The following MYBPC1 variants were observed in gnomAD, a reference collection of about 807,000 sequenced individuals.
MYBPC1 encodes the protein myosin-binding protein C, slow-type.
Under a neutral mutation model 147.1 loss-of-function variants are expected in MYBPC1, and 52 were observed. That is an observed-to-expected ratio of 0.35 (90% CI 0.28 to 0.45). The LOEUF is 0.45. Ranked by LOEUF, MYBPC1 falls within the 20% of genes least tolerant of loss-of-function variation. MYBPC1 has a pLI of 1.00. For missense variants in MYBPC1, 1,228 were observed against 1,440.3 expected, an observed-to-expected ratio of 0.85 and a Z score of 2.39; for synonymous variants, 477 against 475.9, an observed-to-expected ratio of 1.00 and a Z score of -0.03.
chr12:101,661,282 T>C lies in MYBPC1; in HGVS notation c.2032+20T>C, dbSNP rs780001720. 2.5e-5 allele frequency: 37 copies of C among 1,478,746 alleles called. No individual in the cohort carries two copies. The Admixed American group carries it at 4.9e-4, about 19-fold the overall frequency. The allele number at this position is 1,478,746 out of a possible 1,614,324, so 91.6% of individuals were successfully genotyped here. ...TCCTAGGTAACTGCATGTTGGTTAG[T>C]CTGTGTAACTGCCAGTACAGTTGTG... On this transcript the variant is annotated intron_variant, in intron 20 of 31. Transcript: ENST00000361466.
intron 18 of MYBPC1, 93 bp downstream of exon 18, chr12:101,653,341 G>T: frequency 1.3e-6 from 2 of 1,501,192 alleles, no homozygotes; most frequent in East Asian, 2.3e-5. Flanking sequence ...TCAGATGAAG[G>T]TAGAAAACAA....
Position 101,645,760 on chromosome 12 carries a change from C to T in MYBPC1, c.965+964C>T, listed in dbSNP as rs76775495. On this transcript the variant is annotated intron_variant, in intron 12 of 31. Transcript: ENST00000361466. ...ACAGTGTTTTTAGTCTATTTTAATC[C>T]CATCATGTGCTCCTCCATAATACAG... Among the ~76,000 whole-genome samples, 616 of 152,236 alleles carry T rather than the reference C, an allele frequency of 4.0e-3. 2 individuals are homozygous for T. The highest frequency in any genetic ancestry group is 6.4e-3 in the Non-Finnish European group (438 of 68,002).
chr12:101,644,685 C>G lies in MYBPC1; in HGVS notation c.854C>G (p.Pro285Arg), dbSNP rs1183087357. 2 of 1,613,798 alleles carry G rather than the reference C, an allele frequency of 1.2e-6. No individual in the cohort carries two copies. Among genetic ancestry groups the G allele is most frequent in the South Asian group, 2.2e-5 (2 of 91,066 alleles). ...KSAAFAKILD[P>R]AYQVDKGGRV... is the part of the protein sequence containing the mutation. ...TCAGCTTTTGCAAAAATTCTTGATC[C>G]TGCATATCAGGTTGACAAAGGAGGC... is the stretch of plus-strand genomic sequence containing the variant. Residue 285 changes from proline to arginine, a missense_variant, in exon 12 of 32, where the codon CCT becomes CGT. Physicochemically the swap from Pro to Arg is moderately radical, Grantham distance 103. Coordinates refer to ENST00000361466, the MANE Select transcript of MYBPC1 (RefSeq NM_002465.4).
At chr12:101,631,436 G>A (rs191054256) in intron 6 of MYBPC1, 135 bp from the exon 7 acceptor site, 122 of 1,032,606 alleles carry the variant, frequency 1.2e-4, no homozygotes, top group Non-Finnish European at 1.7e-4. Context: ...AAATCAGGAC[G>A]AATTCATTTC....
At chr12:101,603,334 A>C (rs112616872) in intron 1 of MYBPC1, among the ~76,000 whole-genome samples, 2,776 of 151,674 alleles carry the variant, frequency 0.018, 40 homozygotes, top group Non-Finnish European at 0.028. Context: ...AACAAGAGTG[A>C]AACTCCGTCT....
intron 1 of MYBPC1, among the ~76,000 whole-genome samples, chr12:101,613,665 G>T (rs1334626429): frequency 6.6e-6 from 1 of 152,170 alleles, no homozygotes; most frequent in Admixed American, 6.5e-5. Flanking sequence ...TTCTTTAACA[G>T]AAGTTTCTTT....
intron 1 of MYBPC1, among the ~76,000 whole-genome samples, chr12:101,609,404 A>G (rs908991236): frequency 2.6e-5 from 4 of 151,876 alleles, no homozygotes; most frequent in East Asian, 1.9e-4. Context: ...TGATCCTCCC[A>G]CCTCAGCCTC....
Position 101,651,377 on chromosome 12 carries a change from G to A in MYBPC1, c.1510G>A (p.Val504Met), listed in dbSNP as rs373704649. The A allele has an allele frequency of 3.1e-6, 5 of 1,613,988 alleles. No individual in the cohort carries two copies. The African/African-American group carries it at 6.7e-5, about 22-fold the overall frequency. ...LPVQESDRLK[V>M]VHKGRIHKLV... ...TGTTCAGGAGAGTGACCGTCTAAAGGTGGTTCACAAGGGAAGGTAAGCGAG... is the reference window on the plus strand; with the variant it reads ...TGTTCAGGAGAGTGACCGTCTAAAGATGGTTCACAAGGGAAGGTAAGCGAG... Residue 504 changes from valine to methionine, a missense_variant, in exon 16 of 32, where the codon GTG becomes ATG. Physicochemically the swap from Val to Met is conservative, Grantham distance 21. Around this residue, in one of 2 missense-constraint regions of MYBPC1, gnomAD observed 1,077 missense variants for 1,314.2 expected, o/e 0.82. Coordinates refer to ENST00000361466, the MANE Select transcript of MYBPC1 (RefSeq NM_002465.4).
intron 26 of MYBPC1, 103 bp downstream of exon 26, chr12:101,675,534 T>C: frequency 6.6e-7 from 1 of 1,518,552 alleles, no homozygotes; most frequent in East Asian, 2.3e-5. Context: ...CAACTGGGGC[T>C]ATGGAGAAGT....
At chr12:101,652,002 G>A (rs748846423) in intron 16 of MYBPC1, among the ~76,000 whole-genome samples, 13 of 152,154 alleles carry the variant, frequency 8.5e-5, no homozygotes, top group Admixed American at 2.6e-4. Flanking sequence ...CTGATCAAAT[G>A]GATTAACCGT....
rs1401506782 is a variant in MYBPC1 at position 101,662,411 on chromosome 12, T to C, written c.2086T>C (p.Phe696Leu). 1 of 1,614,240 alleles carries C rather than the reference T, an allele frequency of 6.2e-7. No individual in the cohort carries two copies. ...KQSSRWMRLN[F>L]DLCKETTFEP... is the part of the protein sequence containing the mutation. ...AAGCTCCAGGTGGATGAGGCTGAATTTTGATCTCTGCAAAGAAACAACTTT... is the reference window on the plus strand; with the variant it reads ...AAGCTCCAGGTGGATGAGGCTGAATCTTGATCTCTGCAAAGAAACAACTTT... Residue 696 changes from phenylalanine (F) to leucine (L), a missense_variant, in exon 21 of 32, where the codon TTT (phenylalanine) becomes CTT (leucine). Around this residue, in one of 2 missense-constraint regions of MYBPC1, gnomAD observed 1,077 missense variants for 1,314.2 expected, o/e 0.82. Coordinates refer to ENST00000361466, the MANE Select transcript of MYBPC1 (RefSeq NM_002465.4).
chr12:101,623,523 T>C (rs1887909380), intron 3 of MYBPC1, among the ~76,000 whole-genome samples: 1 of 152,242 alleles, frequency 6.6e-6, no homozygotes, highest in Admixed American at 6.5e-5. Context: ...TTTTGTGTTC[T>C]AGGTAATTAA....
At chr12:101,691,368 G>A in the MYBPC1 span, among the ~76,000 whole-genome samples, 7 of 152,186 alleles carry the variant, frequency 4.6e-5, no homozygotes, top group East Asian at 1.4e-3. Flanking sequence ...CACTGCACCC[G>A]GCCTCTAGCC....
intron 9 of MYBPC1, 56 bp from the exon 10 acceptor site, chr12:101,636,616 T>TTGTTG (rs1891032391): frequency 6.9e-7 from 1 of 1,456,738 alleles, no homozygotes; most frequent in African/African-American, 1.4e-5. Context: ...TTGGGGGAAA[T>TTGTTG]TGTTGTGTAT....
intron 30 of MYBPC1, 125 bp downstream of exon 30, chr12:101,682,787 T>G: frequency 1.2e-6 from 1 of 863,064 alleles, no homozygotes; most frequent in Non-Finnish European, 1.9e-6. Flanking sequence ...TAGCAGCTCA[T>G]GGCATACAGT....
At chr12:101,635,861 T>C (rs565411304) in intron 9 of MYBPC1, among the ~76,000 whole-genome samples, 1 of 152,294 alleles carries the variant, frequency 6.6e-6, no homozygotes, top group South Asian at 2.1e-4. Context: ...AAATTAAACA[T>C]GTAAGTAACT....
chr12:101,599,727 G>A (rs1352946021), intron 1 of MYBPC1, among the ~76,000 whole-genome samples: 1 of 152,262 alleles, frequency 6.6e-6, no homozygotes, highest in Non-Finnish European at 1.5e-5. Context: ...AAGGGCAATT[G>A]TTTCCCTTTT....
chr12:101,610,354 T>C (rs933416421), intron 1 of MYBPC1, among the ~76,000 whole-genome samples: 2 of 152,202 alleles, frequency 1.3e-5, no homozygotes, highest in African/African-American at 4.8e-5. Context: ...TATTCCCACT[T>C]TACAGTAGGG....
intron 22 of MYBPC1, among the ~76,000 whole-genome samples, chr12:101,665,221 T>C (rs973705394): frequency 6.6e-6 from 1 of 152,310 alleles, no homozygotes; most frequent in South Asian, 2.1e-4. Context: ...ACAGTCATTA[T>C]TATGTATATA....
Sources: gnomAD v4.1 joint callset for allele counts (sites outside exome capture counted in the v4.1 genomes callset) on GRCh38, gnomAD v4.1.1 for gene constraint, gnomAD v4.1.1 regional missense constraint, MANE v1.5 for transcripts, NCBI Gene and HGNC (gene_info 2026-07-23, HGNC 2026-07-21) for gene names.